CHD8: variants seen among roughly 807,000 people sequenced by gnomAD.
CHD8 encodes ATP-dependent chromatin remodeler CHD8.
In CHD8, 31 loss-of-function variants were observed where a neutral mutation model predicts 279.2. That is an observed-to-expected ratio of 0.11 (90% CI 0.08 to 0.15). The LOEUF (loss-of-function observed/expected upper bound fraction) is 0.15. Among genes scored for constraint, CHD8 ranks in the 10% least tolerant of loss-of-function variants. The pLI, the probability that CHD8 is intolerant of heterozygous loss-of-function variation, is 1.00. For missense variants in CHD8, 2,146 were observed against 3,230.5 expected, an observed-to-expected ratio of 0.66 and a Z score of 8.14; for synonymous variants, 1,081 against 1,139.6, an observed-to-expected ratio of 0.95 and a Z score of 1.04.
At chr14:21,436,915 G>A (rs989429765) in intron 1 of CHD8, 9 of 1,286,164 alleles carry the variant, frequency 7.0e-6, no homozygotes, top group Middle Eastern at 2.1e-4. Context: ...TCATACTGCC[G>A]GGGTTGGTGC....
intron 37 of CHD8, among the ~76,000 whole-genome samples, chr14:21,390,264 T>G (rs533259910): frequency 6.6e-6 from 1 of 152,096 alleles, no homozygotes; most frequent in East Asian, 1.9e-4. Context: ...AGAAATTGCT[T>G]TAAAACCCTC....
chr14:21,429,031 A>T lies in CHD8; in HGVS notation c.1148T>A (p.Ile383Lys). 1 of 1,613,972 alleles carries T rather than the reference A, an allele frequency of 6.2e-7. No individual in the cohort carries two copies. Among genetic ancestry groups the T allele is most frequent in the Admixed American group, 1.7e-5 (1 of 60,018 alleles). The stretch of plus-strand genomic sequence containing the variant: ...TCCTGGGCTTTGTCCTGGTCCCATT[A>T]TCTGAGCCTGCTGTACAGAGGACAG... Reference protein sequence around the residue: ...VTLSSVQQAQIMGPGQSPGQR... With the variant: ...VTLSSVQQAQKMGPGQSPGQR... Residue 383 changes from isoleucine (I) to lysine (K), a missense_variant, in exon 3 of 38, where the codon ATA (isoleucine) becomes AAA (lysine). Transcript: ENST00000646647.
chr14:21,407,836 C>T (rs1283047402), intron 13 of CHD8, among the ~76,000 whole-genome samples: 1 of 151,988 alleles, frequency 6.6e-6, no homozygotes, highest in Non-Finnish European at 1.5e-5. Flanking sequence ...CTAGAACTCC[C>T]GGCCTCAGGT....
At chr14:21,412,292 C>T (rs557199560) in intron 10 of CHD8, among the ~76,000 whole-genome samples, 2 of 151,822 alleles carry the variant, frequency 1.3e-5, no homozygotes, top group African/African-American at 2.4e-5. Context: ...ACTATAGGCA[C>T]GTGCCACCAC....
At chr14:21,420,483 G>A (rs978545609) in intron 5 of CHD8, among the ~76,000 whole-genome samples, 3 of 152,142 alleles carry the variant, frequency 2.0e-5, no homozygotes, top group African/African-American at 7.2e-5. Context: ...GTGGGAGAAT[G>A]GGAACATGGG....
Position 21,405,522 on chromosome 14 carries a change from A to G in CHD8, c.3052-58T>C. On this transcript the variant is annotated intron_variant, in intron 15 of 37. Transcript: ENST00000646647. The surrounding 1 kb of genome is among the most constrained non-coding windows in gnomAD (Gnocchi z 4.2). ...ATAAGATGAGGGCGAACATTCTCAC[A>G]TTATGTAGAAACATGGAAAAATTAG... is the stretch of plus-strand genomic sequence containing the variant. 1 of 1,568,014 alleles carries G rather than the reference A, an allele frequency of 6.4e-7. No homozygotes were observed. Among genetic ancestry groups the G allele is most frequent in the Non-Finnish European group, 8.6e-7 (1 of 1,158,268 alleles).
In CHD8 at chr14:21,393,579, C is replaced by T; in HGVS notation, c.6216G>A (p.Glu2072=). 1 of 1,613,238 alleles carries T rather than the reference C, an allele frequency of 6.2e-7. No individual in the cohort carries two copies. Among genetic ancestry groups the T allele is most frequent in the Non-Finnish European group, 8.5e-7 (1 of 1,179,620 alleles). ...KLEDEDDSDS[E]LDLSKLSPSS... ...ATGGTGACAGCTTGCTCAAGTCCAG[C>T]TCAGAGTCCGAATCATCCTCATCCT... The change falls in exon 32 of 38, where the codon GAG becomes GAA. Residue 2072 remains glutamate, a synonymous_variant. Transcript: ENST00000646647.
chr14:21,431,337 C>T lies in CHD8; in HGVS notation c.307G>A (p.Glu103Lys), dbSNP rs1348950904. ...HDYTTQPASQ[E>K]QPAQPVLQTS... ...TGTAAGACAGGTTGGGCTGGCTGCT[C>T]CTGGCTGGCAGGCTGAGTGGTATAA... Residue 103 changes from glutamate to lysine, a missense_variant, in exon 2 of 38, where the codon GAG becomes AAG. Around this residue, in one of 26 missense-constraint regions of CHD8, gnomAD observed 302 missense variants for 325.5 expected, o/e 0.93. Coordinates refer to ENST00000646647, the MANE Select transcript of CHD8 (RefSeq NM_001170629.2). The T allele has an allele frequency of 3.9e-6, 6 of 1,540,538 alleles. No homozygotes were observed. In the East Asian group the frequency reaches 7.3e-5, roughly 19 times the overall value.
rs534841852 is a variant in CHD8 at position 21,445,929 on chromosome 14, G to C, written c.-216+10103C>G. ...GCAGGAGAATCAGTTGAACCCAGGA[G>C]GTGAAGGTTGCAGTGAGCTGAGATC... On this transcript the variant is annotated intron_variant, in intron 1 of 37. Coordinates refer to ENST00000646647, the MANE Select transcript of CHD8 (RefSeq NM_001170629.2). 2.6e-5 allele frequency among the ~76,000 whole-genome samples: 4 copies of C among 151,892 alleles called. 1 individual carries two copies. Among genetic ancestry groups the C allele is most frequent in the African/African-American group, 9.7e-5 (4 of 41,412 alleles).
At chr14:21,444,443 A>G (rs2139566824) in intron 1 of CHD8, among the ~76,000 whole-genome samples, 1 of 152,304 alleles carries the variant, frequency 6.6e-6, no homozygotes, top group Middle Eastern at 3.4e-3. Flanking sequence ...ATTTAAGGTG[A>G]ACAGGAATAG....
chr14:21,427,591 G>C (rs1036230112), intron 4 of CHD8: 1 of 1,418,520 alleles, frequency 7.0e-7, no homozygotes, highest in Non-Finnish European at 9.3e-7. Context: ...CAGTAGCAAG[G>C]AGCACTCACT....
chr14:21,430,911 C>T lies in CHD8; in HGVS notation c.733G>A (p.Val245Ile), dbSNP rs1225510642. 2.5e-6 allele frequency: 4 copies of T among 1,599,334 alleles called. No homozygotes were observed. The African/African-American group carries it at 4.0e-5, about 16-fold the overall frequency. The change falls in exon 2 of 38, where the codon GTA becomes ATA. Residue 245 changes from valine to isoleucine, a missense_variant. By Grantham distance (29) the Val-to-Ile change is conservative (BLOSUM62 3). Coordinates refer to ENST00000646647, the MANE Select transcript of CHD8 (RefSeq NM_001170629.2). ...VQRIVQPSRP[V>I]KQLVLQPVKG... ...ACTGGCTGGAGGACCAGCTGCTTTA[C>T]TGGTCGGCTGGGCTGGACAATGCGC...
At chr14:21,425,031 T>C (rs1889245681) in intron 5 of CHD8, among the ~76,000 whole-genome samples, 1 of 152,178 alleles carries the variant, frequency 6.6e-6, no homozygotes, top group South Asian at 2.1e-4. Flanking sequence ...GAGCCAAAGA[T>C]GGTACCATAA....
intron 37 of CHD8, among the ~76,000 whole-genome samples, chr14:21,390,245 G>T (rs985605911): frequency 6.6e-6 from 1 of 152,056 alleles, no homozygotes; most frequent in Non-Finnish European, 1.5e-5. Flanking sequence ...CAAAAAAACA[G>T]AAAACTTAAG....
rs954693111 is a variant in CHD8 at position 21,402,760 on chromosome 14, C to T, written c.3714+257G>A. ...ACAGGTGGGACCACCCACTCATTTA[C>T]ATATTATCTATGGCTGTTTTTGCGC... is the stretch of plus-strand genomic sequence containing the variant. On this transcript the variant is annotated intron_variant, in intron 18 of 37. Transcript: ENST00000646647. This position sits in a 1 kb window ranked among gnomAD's most constrained non-coding sequence, Gnocchi z 4.5. 6.6e-6 allele frequency among the ~76,000 whole-genome samples: 1 copy of T among 152,182 alleles called. No homozygotes were observed. The highest frequency in any genetic ancestry group is 2.4e-5 in the African/African-American group (1 of 41,452).
At chr14:21,454,397 A>C (rs560561953) in intron 1 of CHD8, among the ~76,000 whole-genome samples, 9 of 152,260 alleles carry the variant, frequency 5.9e-5, no homozygotes, top group Admixed American at 5.9e-4. Flanking sequence ...GGCTCACTGC[A>C]ATCTCCACCT....
intron 10 of CHD8, among the ~76,000 whole-genome samples, chr14:21,411,813 A>G (rs980763670): frequency 1.3e-5 from 2 of 152,226 alleles, no homozygotes; most frequent in Non-Finnish European, 2.9e-5. Context: ...CCGTAATCCC[A>G]GCACTTTGGG....
At position 21,393,770 on chromosome 14, in the gene CHD8, G is replaced by A. The variant is rs1294224989; in HGVS notation, c.6025C>T (p.Pro2009Ser). The A allele has an allele frequency of 6.2e-7, 1 of 1,613,960 alleles. No homozygotes were observed. ...LRPDAPVEKS[P>S]EETATQVPSL... Reference sequence around the variant, plus strand: ...GGGACCTGGGTAGCTGTCTCCTCGGGTGACTTTTCAACAGGAGCATCTGGG... The same window carrying A: ...GGGACCTGGGTAGCTGTCTCCTCGGATGACTTTTCAACAGGAGCATCTGGG... The change falls in exon 32 of 38, where the codon CCC (proline) becomes TCC (serine). Residue 2009 changes from proline (P) to serine (S), a missense_variant. Transcript: ENST00000646647.
chr14:21,447,373 C>CT (rs773145515), intron 1 of CHD8, among the ~76,000 whole-genome samples: 5,467 of 141,242 alleles, frequency 0.039, 114 homozygotes, highest in South Asian at 0.087. Context: ...CACTATATCC[C>CT]TTTTTTTTTT....
Sources: gnomAD v4.1 joint callset for allele counts (sites outside exome capture counted in the v4.1 genomes callset) on GRCh38, gnomAD v4.1.1 for gene constraint, gnomAD v4.1.1 regional missense constraint, Gnocchi (gnomAD v3.1) non-coding constraint, MANE v1.5 for transcripts, NCBI Gene and HGNC (gene_info 2026-07-23, HGNC 2026-07-21) for gene names.